The following EVPL variants were observed in gnomAD, a reference collection of about 807,000 sequenced individuals.
EVPL encodes 210 kDa cornified envelope precursor protein.
In EVPL, 94 loss-of-function variants were observed where a neutral mutation model predicts 129.7. The observed-to-expected ratio is 0.72, with a 90% CI of 0.61 to 0.86. EVPL has a LOEUF of 0.86. Among genes scored for constraint, EVPL ranks in the 40% least tolerant of loss-of-function variants. The pLI, the probability that EVPL is intolerant of heterozygous loss-of-function variation, is 0.00. For synonymous variants in EVPL, 1,172 were observed against 1,191.1 expected, an observed-to-expected ratio of 0.98 and a Z score of 0.33; for missense variants, 2,625 against 2,721.1, an observed-to-expected ratio of 0.96 and a Z score of 0.79.
rs1282957235 is a variant in EVPL at position 76,025,000 on chromosome 17, G to C, written c.99-880C>G. 6.6e-6 allele frequency among the ~76,000 whole-genome samples: 1 copy of C among 152,172 alleles called. No individual in the cohort carries two copies. The highest frequency in any genetic ancestry group is 6.5e-5 in the Admixed American group (1 of 15,284). The stretch of plus-strand genomic sequence containing the variant: ...AGCCTTGAACTGGGTCAAAGGATGG[G>C]CCCCCCCAGGCAAAGGGACAGTGCT... On this transcript the variant is annotated intron_variant, in intron 1 of 21. Coordinates refer to ENST00000301607, the MANE Select transcript of EVPL (RefSeq NM_001988.4). The surrounding 1 kb of genome is among the most constrained non-coding windows in gnomAD (Gnocchi z 4.5).
Position 76,014,560 on chromosome 17 carries a change from C to G in EVPL, c.2239G>C (p.Asp747His). ...AACTGCTGGTAGGTGAGGGCGGCAT[C>G]CTGCACCACCTTCTCCCTGCAGGAG... ...QLDLREKVVQ[D>H]AALTYQQFKN... The change falls in exon 18 of 22, where the codon GAT becomes CAT. Residue 747 changes from aspartate to histidine, a missense_variant. Transcript: ENST00000301607. 1 of 1,612,218 alleles carries G rather than the reference C, an allele frequency of 6.2e-7. No homozygotes were observed. The highest frequency in any genetic ancestry group is 1.3e-5 in the African/African-American group (1 of 74,962).
chr17:76,023,971 C>T lies in EVPL; in HGVS notation c.198+50G>A, dbSNP rs1199228879. The T allele has an allele frequency of 5.1e-6, 8 of 1,572,472 alleles. No individual in the cohort carries two copies. The Admixed American group carries it at 1.3e-4, about 25-fold the overall frequency. ...AGTGCCAGGCCTGATGATGGGCCTC[C>T]CATGCCACCCAGCCTGTCCACGCCC... On this transcript the variant is annotated intron_variant, in intron 2 of 21. Transcript: ENST00000301607.
chr17:76,024,133 G>A lies in EVPL; in HGVS notation c.99-13C>T. ...CTGGGTGGCAGCCCTAGTGTGTGGA[G>A]GGGACAGCGGGTAGCTCGGTGGAAG... On this transcript the variant is annotated splice_polypyrimidine_tract_variant and intron_variant, in intron 1 of 21. Coordinates refer to ENST00000301607, the MANE Select transcript of EVPL (RefSeq NM_001988.4). The surrounding 1 kb of genome is among the most constrained non-coding windows in gnomAD (Gnocchi z 4.5). The A allele has an allele frequency of 6.2e-7, 1 of 1,611,698 alleles. No homozygotes were observed. The highest frequency in any genetic ancestry group is 8.5e-7 in the Non-Finnish European group (1 of 1,179,006).
Position 76,009,769 on chromosome 17 carries a change from G to C in EVPL, c.3436C>G (p.Pro1146Ala), listed in dbSNP as rs2066359676. 6.2e-7 allele frequency: 1 copy of C among 1,613,806 alleles called. No homozygotes were observed. Among genetic ancestry groups the C allele is most frequent in the Non-Finnish European group, 8.5e-7 (1 of 1,180,004 alleles). ...CTGGAGGACTCCTGGAGGAGCCCTGGGTCCTGCTCCACCTTCTTCACCTCC... is the reference window on the plus strand; with the variant it reads ...CTGGAGGACTCCTGGAGGAGCCCTGCGTCCTGCTCCACCTTCTTCACCTCC... The part of the protein sequence containing the change: ...VKEVKKVEQD[P>A]GLLQESSRLR... The change falls in exon 22 of 22, where the codon CCA becomes GCA. Residue 1146 changes from proline (P) to alanine (A), a missense_variant. Transcript: ENST00000301607. The surrounding 1 kb of genome is among the most constrained non-coding windows in gnomAD (Gnocchi z 5.9).
chr17:76,013,033 C>G lies in EVPL; in HGVS notation c.2374-944G>C, dbSNP rs183206324. 1.2e-4 allele frequency among the ~76,000 whole-genome samples: 18 copies of G among 152,268 alleles called. No individual in the cohort carries two copies. The East Asian group carries it at 3.1e-3, about 26-fold the overall frequency. ...TGCTGGGATTACAGGCGTGAGCCAC[C>G]GCGCCCGGCCTGAGAATTCATATTT... is the stretch of plus-strand genomic sequence containing the variant. On this transcript the variant is annotated intron_variant, in intron 18 of 21. Transcript: ENST00000301607. The surrounding 1 kb of genome is among the most constrained non-coding windows in gnomAD (Gnocchi z 4.3).
In EVPL at chr17:76,008,570, C is replaced by T; in HGVS notation, c.4635G>A (p.Arg1545=). The change falls in exon 22 of 22, where the codon AGG becomes AGA. Residue 1545 remains arginine (R), a synonymous_variant. Coordinates refer to ENST00000301607, the MANE Select transcript of EVPL (RefSeq NM_001988.4). The surrounding 1 kb of genome is among the most constrained non-coding windows in gnomAD (Gnocchi z 7.4). ...ERARVWEMLN[R]ERTARQAREE... is the part of the protein sequence containing the mutation. ...CCCGGGCCTGCCGGGCCGTGCGCTC[C>T]CTGTTGAGCATCTCCCACACGCGGG... The T allele has an allele frequency of 6.2e-7, 1 of 1,610,486 alleles. No homozygotes were observed.
rs749520208 is a variant in EVPL, at chr17:76,015,063, A to G, written c.2075T>C (p.Leu692Pro). The G allele has an allele frequency of 4.7e-5, 74 of 1,584,352 alleles. No individual in the cohort carries two copies. The highest frequency in any genetic ancestry group is 6.2e-5 in the Non-Finnish European group (72 of 1,168,430). ...LLEQQTCVLR[L>P]HRALKASEHA... ...CTCCGAGGCCTTCAGCGCGCGGTGTAGCCGCAGCACGCAGGTCTGCTGTTC... is the reference window on the plus strand; with the variant it reads ...CTCCGAGGCCTTCAGCGCGCGGTGTGGCCGCAGCACGCAGGTCTGCTGTTC... The change falls in exon 17 of 22, where the codon CTA becomes CCA. Residue 692 changes from leucine (L) to proline (P), a missense_variant. Coordinates refer to ENST00000301607, the MANE Select transcript of EVPL (RefSeq NM_001988.4).
rs746582689 is a variant in EVPL at position 76,023,361 on chromosome 17, G to C, written c.411C>G (p.Tyr137Ter). 1.9e-6 allele frequency: 3 copies of C among 1,613,772 alleles called. No individual in the cohort carries two copies. The highest frequency in any genetic ancestry group is 4.5e-5 in the East Asian group (2 of 44,864). Reference protein sequence around the residue: ...TQECAEYRALYEKMVLPPDVG... With the variant: ...TQECAEYRAL Reference sequence around the variant, plus strand: ...CGTCGGGGGGCAGCACCATCTTCTCGTACAGGGCACGGTACTCCGCACACT... The same window carrying C: ...CGTCGGGGGGCAGCACCATCTTCTCCTACAGGGCACGGTACTCCGCACACT... Residue 137 changes from tyrosine to a stop codon, truncating the protein, a stop_gained, in exon 4 of 22, where the codon TAC (tyrosine) becomes TAG (stop). Transcript: ENST00000301607. LOFTEE classifies it high-confidence loss of function.
chr17:76,023,958 G>A, intron 2 of EVPL, 63 bp downstream of exon 2: 1 of 1,557,848 alleles, frequency 6.4e-7, no homozygotes, highest in Non-Finnish European at 8.7e-7. Flanking sequence ...TGCCAGGCCT[G>A]ATGATGGGCC....
Position 76,007,074 on chromosome 17 carries a change from G to A in EVPL, c.*29C>T, listed in dbSNP as rs775915136. The A allele has an allele frequency of 2.8e-6, 4 of 1,430,692 alleles. No homozygotes were observed. The highest frequency in any genetic ancestry group is 2.4e-4 in the Middle Eastern group (1 of 4,214). The allele number at this position is 1,430,692 out of a possible 1,614,324, so 88.6% of individuals were successfully genotyped here. A position where few individuals can be genotyped will look rare whatever the true frequency, so the allele number is the denominator to read the frequency against. ...ACGTATCCTACCTGGCCCAACACAC[G>A]CACTTCCCCACTGGCTCCTTGGCCC... On this transcript the variant is annotated 3_prime_UTR_variant, in exon 22 of 22. Transcript: ENST00000301607. The surrounding 1 kb of genome is among the most constrained non-coding windows in gnomAD (Gnocchi z 8.8).
rs756615642 is a variant in EVPL, at chr17:76,010,078, G to A, written c.3127C>T (p.Arg1043Cys). The A allele has an allele frequency of 1.5e-5, 24 of 1,613,646 alleles. No homozygotes were observed. Among genetic ancestry groups the A allele is most frequent in the Middle Eastern group, 1.6e-4 (1 of 6,062 alleles). ...AQLRIQIQQL[R>C]GEDAVISARL... ...GCCGAGATGACGGCATCCTCCCCGC[G>A]GAGCTGCTGGATCTGGATCCTGAGC... Residue 1043 changes from arginine (R) to cysteine (C), a missense_variant, in exon 22 of 22, where the codon CGC becomes TGC. Arg to Cys is a radical substitution (Grantham distance 180). Around this residue, in one of 4 missense-constraint regions of EVPL, gnomAD observed 1,453 missense variants for 1,511.8 expected, o/e 0.96. Transcript: ENST00000301607.
At chr17:76,010,791 T>C (rs73359853) in intron 21 of EVPL, among the ~76,000 whole-genome samples, 4,644 of 152,294 alleles carry the variant, frequency 0.03, 71 homozygotes, top group Middle Eastern at 0.054. Flanking sequence ...CCAGGTGCAA[T>C]GGCTGATGCC....
At chr17:76,019,687 G>C in intron 9 of EVPL, 34 bp from the exon 10 acceptor site, 1 of 1,599,698 alleles carries the variant, frequency 6.3e-7, no homozygotes, top group Non-Finnish European at 8.5e-7. Context: ...GCAGAGCCTC[G>C]TGCAACCTGC....
At chr17:76,018,107 G>A (rs140728093) in intron 13 of EVPL, 54 bp downstream of exon 13, 498 of 1,547,878 alleles carry the variant, frequency 3.2e-4, no homozygotes, top group Non-Finnish European at 3.8e-4. Context: ...GTCGGAAGTC[G>A]GAATCTACTC....
intron 10 of EVPL, 113 bp from the exon 11 acceptor site, chr17:76,019,173 C>T (rs973821717): frequency 8.4e-7 from 1 of 1,193,166 alleles, no homozygotes; most frequent in African/African-American, 1.6e-5. Flanking sequence ...GCAGGGGTCT[C>T]TAAGTCAGCA....
In EVPL at chr17:76,008,327, G is replaced by C. The variant is rs764088999; in HGVS notation, c.4878C>G (p.Ser1626Arg). The change falls in exon 22 of 22, where the codon AGC (serine) becomes AGG (arginine). Residue 1626 changes from serine to arginine, a missense_variant. Ser to Arg is a moderately radical substitution (Grantham distance 110). Coordinates refer to ENST00000301607, the MANE Select transcript of EVPL (RefSeq NM_001988.4). The surrounding 1 kb of genome is among the most constrained non-coding windows in gnomAD (Gnocchi z 7.4). ...ESKLLSQKTE[S>R]ERQKAAQRGQ... ...CCCGCTGGGCCGCCTTCTGTCGCTC[G>C]CTCTCCGTCTTCTGGCTGAGCAGCT... 2 of 1,606,394 alleles carry C rather than the reference G, an allele frequency of 1.2e-6. No homozygotes were observed. The highest frequency in any genetic ancestry group is 1.7e-5 in the Admixed American group (1 of 59,958).
In EVPL at chr17:76,021,379, A is replaced by G. The variant is rs1336950079; in HGVS notation, c.1011+89T>C. ...CCAGCTCTGTCTAGTTGGGAGGTGC[A>G]GTGCCTCTCCTGTGGGCAGGGGTGC... On this transcript the variant is annotated intron_variant, in intron 9 of 21. Coordinates refer to ENST00000301607, the MANE Select transcript of EVPL (RefSeq NM_001988.4). 4 of 1,245,692 alleles carry G rather than the reference A, an allele frequency of 3.2e-6. No homozygotes were observed. In the East Asian group the frequency reaches 7.6e-5, roughly 24 times the overall value. 77.2% of individuals were successfully genotyped at this position (1,245,692 alleles called of 1,614,324 possible).
Position 76,019,551 on chromosome 17 carries a change from T to TG in EVPL, c.1113dup (p.Thr372HisfsTer64). ...ACCTCCAGCTGTTGCAGCAGCTCTG[T>TG]GGGGGCGCCAGGGGGGCCCCCAGGT... On this transcript the variant is annotated frameshift_variant, in exon 10 of 22. Transcript: ENST00000301607. LOFTEE classifies it high-confidence loss of function. 1 of 1,570,992 alleles carries TG rather than the reference T, an allele frequency of 6.4e-7. No individual in the cohort carries two copies. Among genetic ancestry groups the TG allele is most frequent in the Non-Finnish European group, 8.6e-7 (1 of 1,163,102 alleles).
intron 2 of EVPL, 83 bp downstream of exon 2, chr17:76,023,938 A>C: frequency 6.7e-7 from 1 of 1,503,564 alleles, no homozygotes. Flanking sequence ...ACCAAGGGGC[A>C]CTCAGGGAGT....
Sources: gnomAD v4.1 joint callset for allele counts (sites outside exome capture counted in the v4.1 genomes callset) on GRCh38, gnomAD v4.1.1 for gene constraint, gnomAD v4.1.1 regional missense constraint, Gnocchi (gnomAD v3.1) non-coding constraint, MANE v1.5 for transcripts, NCBI Gene and HGNC (gene_info 2026-07-23, HGNC 2026-07-21) for gene names.